The following PTPRG variants were observed in gnomAD, a reference collection of about 807,000 sequenced individuals.
PTPRG encodes receptor-type tyrosine-protein phosphatase gamma.
In PTPRG, 102 loss-of-function variants were observed where a neutral mutation model predicts 165.3. The ratio of observed to expected loss-of-function variants is 0.62; its 90% CI spans 0.53 to 0.73. The LOEUF (loss-of-function observed/expected upper bound fraction) is 0.73. Ranked by LOEUF, PTPRG falls within the 30% of genes least tolerant of loss-of-function variation. PTPRG has a pLI of 0.00. For missense variants in PTPRG, 1,866 were observed against 1,861.4 expected, an observed-to-expected ratio of 1.00 and a Z score of -0.05; for synonymous variants, 675 against 669.5, an observed-to-expected ratio of 1.01 and a Z score of -0.13.
intron 6 of PTPRG, among the ~76,000 whole-genome samples, chr3:62,135,500 AATC>A (rs1275494468): frequency 6.6e-6 from 1 of 152,094 alleles, no homozygotes; most frequent in African/African-American, 2.4e-5. Flanking sequence ...CAGCTCTGGG[AATC>A]ATATATTAGA....
At chr3:61,832,167 C>T (rs1377108863) in intron 2 of PTPRG, among the ~76,000 whole-genome samples, 1 of 152,164 alleles carries the variant, frequency 6.6e-6, no homozygotes, top group Non-Finnish European at 1.5e-5. Flanking sequence ...AATGAATTCA[C>T]ATTTCCATTT....
intron 8 of PTPRG, among the ~76,000 whole-genome samples, chr3:62,174,417 T>C (rs552742934): frequency 1.3e-5 from 2 of 152,310 alleles, no homozygotes; most frequent in South Asian, 4.1e-4. Flanking sequence ...TAAGCCGATG[T>C]CGTGTTTTTT....
chr3:62,183,566 TAAA>T (rs368802810), intron 8 of PTPRG, among the ~76,000 whole-genome samples: 16 of 128,756 alleles, frequency 1.2e-4, no homozygotes, highest in East Asian at 2.2e-4. Flanking sequence ...TCGTCTCAAT[TAAA>T]AAAAAAAAAA....
chr3:61,882,545 G>C (rs963900789), intron 2 of PTPRG, among the ~76,000 whole-genome samples: 1 of 152,152 alleles, frequency 6.6e-6, no homozygotes, highest in Non-Finnish European at 1.5e-5. Context: ...TATTTAAGCT[G>C]TGTGCCATCT....
chr3:61,676,938 A>T (rs1003154299), intron 1 of PTPRG, among the ~76,000 whole-genome samples: 1 of 152,080 alleles, frequency 6.6e-6, no homozygotes, highest in Admixed American at 6.5e-5. Context: ...GGTAAAAACA[A>T]TACATTAAGA....
At chr3:61,989,495 A>G in intron 2 of PTPRG, 130 bp from the exon 3 acceptor site, 3 of 819,378 alleles carry the variant, frequency 3.7e-6, no homozygotes, top group Non-Finnish European at 3.7e-6. Context: ...TTTGATTCAT[A>G]GTTTTCAGTA....
At chr3:61,694,035 G>A (rs1225255657) in intron 1 of PTPRG, among the ~76,000 whole-genome samples, 1 of 151,080 alleles carries the variant, frequency 6.6e-6, no homozygotes. Context: ...AAGAGAGAGA[G>A]AGAGAGAGGG....
At chr3:61,667,771 T>C (rs1702849979) in intron 1 of PTPRG, among the ~76,000 whole-genome samples, 1 of 150,576 alleles carries the variant, frequency 6.6e-6, no homozygotes, top group Admixed American at 6.6e-5. Flanking sequence ...AGACTTTGTC[T>C]CTTTAAACAA....
chr3:61,872,609 AT>A (rs148887869), intron 2 of PTPRG, among the ~76,000 whole-genome samples: 183 of 150,366 alleles, frequency 1.2e-3, no homozygotes, highest in Middle Eastern at 3.4e-3. Context: ...ATTAATCACA[AT>A]TTTTTTTTTC....
intron 1 of PTPRG, among the ~76,000 whole-genome samples, chr3:61,677,462 A>G (rs1703272995): frequency 6.6e-6 from 1 of 152,216 alleles, no homozygotes; most frequent in Non-Finnish European, 1.5e-5. Flanking sequence ...AGCTAGATAT[A>G]GATTTTTTGG....
At chr3:62,082,756 A>C (rs1310633373) in intron 5 of PTPRG, among the ~76,000 whole-genome samples, 1 of 152,226 alleles carries the variant, frequency 6.6e-6, no homozygotes, top group Non-Finnish European at 1.5e-5. Flanking sequence ...TGTTGAGCAC[A>C]AGTGAAGGAA....
chr3:61,916,963 C>G (rs957466213), intron 2 of PTPRG, among the ~76,000 whole-genome samples: 14 of 152,158 alleles, frequency 9.2e-5, no homozygotes, highest in Non-Finnish European at 1.8e-4. Flanking sequence ...GAATGATGCC[C>G]ATTCTTGTGG....
chr3:61,940,562 T>C (rs1466463756), intron 2 of PTPRG, among the ~76,000 whole-genome samples: 4 of 152,220 alleles, frequency 2.6e-5, no homozygotes, highest in Non-Finnish European at 5.9e-5. Context: ...TGTGATGATT[T>C]CTTGTTTTGT....
chr3:61,684,233 T>C (rs554863230), intron 1 of PTPRG, among the ~76,000 whole-genome samples: 17 of 152,168 alleles, frequency 1.1e-4, no homozygotes, highest in Non-Finnish European at 2.5e-4. Flanking sequence ...TATATGCTGG[T>C]GGTGATGGTG....
At chr3:62,253,501 ACT>A (rs1162963586) in intron 15 of PTPRG, among the ~76,000 whole-genome samples, 1 of 151,930 alleles carries the variant, frequency 6.6e-6, no homozygotes, top group Non-Finnish European at 1.5e-5. Flanking sequence ...TCATTTAGAG[ACT>A]CTCCAGCTTT....
intron 1 of PTPRG, among the ~76,000 whole-genome samples, chr3:61,627,734 T>G (rs1701651951): frequency 6.6e-6 from 1 of 152,204 alleles, no homozygotes; most frequent in Non-Finnish European, 1.5e-5. Flanking sequence ...TGTTTAATTA[T>G]CAATGGGAGG....
chr3:62,279,729 A>G (rs1702362031), intron 26 of PTPRG, among the ~76,000 whole-genome samples: 1 of 152,118 alleles, frequency 6.6e-6, no homozygotes, highest in African/African-American at 2.4e-5. Flanking sequence ...GTACTTGGCA[A>G]TAAGCTATAT....
chr3:62,101,093 T>C (rs568671591), intron 5 of PTPRG, among the ~76,000 whole-genome samples: 2 of 152,330 alleles, frequency 1.3e-5, no homozygotes, highest in African/African-American at 2.4e-5. Flanking sequence ...TGCTTCAGCA[T>C]AATTGGAGGA....
At chr3:62,064,481 T>A (rs1285129909) in intron 4 of PTPRG, among the ~76,000 whole-genome samples, 1 of 136,938 alleles carries the variant, frequency 7.3e-6, no homozygotes, top group East Asian at 2.5e-4. Flanking sequence ...TCTCCCAAAT[T>A]AGTGCCTAAT....
Sources: gnomAD v4.1 joint callset for allele counts (sites outside exome capture counted in the v4.1 genomes callset) on GRCh38, gnomAD v4.1.1 for gene constraint, MANE v1.5 for transcripts, NCBI Gene and HGNC (gene_info 2026-07-23, HGNC 2026-07-21) for gene names.